The following CACNA1E variants were observed in gnomAD, a reference collection of about 807,000 sequenced individuals.
CACNA1E encodes the protein voltage-dependent R-type calcium channel subunit alpha-1E.
In CACNA1E, 40 loss-of-function variants were observed where a neutral mutation model predicts 259.2. That is an observed-to-expected ratio of 0.15 (90% CI 0.12 to 0.20). The LOEUF is 0.20. CACNA1E is among the 10% of genes least tolerant of loss of function. The probability of loss-of-function intolerance (pLI) is 1.00; values close to 1 mark genes in which losing one functional copy is unlikely to be tolerated. For missense variants in CACNA1E, 1,874 were observed against 3,040.1 expected (o/e 0.62, Z 9.02); for synonymous variants, 1,104 against 1,138.5 (o/e 0.97, Z 0.61).
chr1:181,409,028 A>G (rs1197455237), intron 1 of CACNA1E, among the ~76,000 whole-genome samples: 2 of 152,156 alleles, frequency 1.3e-5, no homozygotes, highest in Non-Finnish European at 2.9e-5. Flanking sequence ...CGTAGGCTGA[A>G]TGACAATAAT....
chr1:181,754,311 G>A (rs4048484), intron 27 of CACNA1E, among the ~76,000 whole-genome samples: 1 of 62,318 alleles, frequency 1.6e-5, no homozygotes, highest in African/African-American at 3.7e-5. Flanking sequence ...TTCCACAAGG[G>A]TGCCTGTCAC....
At chr1:181,612,207 G>A (rs555310519) in intron 6 of CACNA1E, among the ~76,000 whole-genome samples, 14 of 152,310 alleles carry the variant, frequency 9.2e-5, no homozygotes, top group Non-Finnish European at 1.5e-4. Flanking sequence ...AGGGAGCTCC[G>A]TCCAAGGGCT....
intron 3 of CACNA1E, among the ~76,000 whole-genome samples, chr1:181,526,813 A>G (rs1204868594): frequency 2.0e-5 from 3 of 152,186 alleles, no homozygotes; most frequent in African/African-American, 7.2e-5. Context: ...GATTTAGGGT[A>G]TTTCTGAGTA....
At chr1:181,658,907 G>T (rs1409504410) in intron 7 of CACNA1E, among the ~76,000 whole-genome samples, 1 of 152,032 alleles carries the variant, frequency 6.6e-6, no homozygotes, top group Non-Finnish European at 1.5e-5. Flanking sequence ...AGGGGGTTCA[G>T]CAGCAGCCAG....
At chr1:181,449,264 C>T (rs1384674196) in intron 2 of CACNA1E, among the ~76,000 whole-genome samples, 2 of 152,230 alleles carry the variant, frequency 1.3e-5, no homozygotes, top group African/African-American at 4.8e-5. Context: ...TCTCAAGATA[C>T]ATGCCGTTCC....
At chr1:181,455,542 A>G (rs991916654) in intron 2 of CACNA1E, among the ~76,000 whole-genome samples, 2 of 152,150 alleles carry the variant, frequency 1.3e-5, no homozygotes, top group African/African-American at 4.8e-5. Flanking sequence ...CCACAATAAA[A>G]ACTGATCTTT....
chr1:181,604,170 C>CT (rs906774242), intron 6 of CACNA1E, among the ~76,000 whole-genome samples: 8 of 152,186 alleles, frequency 5.3e-5, no homozygotes, highest in African/African-American at 1.9e-4. Flanking sequence ...AGTTCCATTG[C>CT]TTTCTCTGGC....
chr1:181,542,483 A>AG (rs1306650728), intron 3 of CACNA1E, among the ~76,000 whole-genome samples: 1 of 152,266 alleles, frequency 6.6e-6, no homozygotes, highest in African/African-American at 2.4e-5. Context: ...GGGGGAGATC[A>AG]GGTGGAGGTA....
At chr1:181,685,539 G>C (rs1175489762) in intron 7 of CACNA1E, among the ~76,000 whole-genome samples, 1 of 152,062 alleles carries the variant, frequency 6.6e-6, no homozygotes, top group Non-Finnish European at 1.5e-5. Flanking sequence ...AAGGTTCTCA[G>C]AACTTTCTCA....
intron 1 of CACNA1E, among the ~76,000 whole-genome samples, chr1:181,324,813 G>A (rs141599321): frequency 6.6e-6 from 1 of 152,250 alleles, no homozygotes; most frequent in Non-Finnish European, 1.5e-5. Context: ...TACTGAGGGA[G>A]TAGTGTTCTT....
intron 8 of CACNA1E, among the ~76,000 whole-genome samples, chr1:181,713,781 C>G (rs1458295950): frequency 1.3e-5 from 2 of 152,132 alleles, no homozygotes; most frequent in Admixed American, 6.5e-5. Flanking sequence ...CATGCAGGAT[C>G]CCACCAGACT....
Position 181,405,408 on chromosome 1 carries a change from C to T in CACNA1E, c.-14-7725C>T, listed in dbSNP as rs539511823. Among the ~76,000 whole-genome samples, 17 of 152,346 alleles carry T rather than the reference C, an allele frequency of 1.1e-4. 1 individual carries two copies. The highest frequency in any genetic ancestry group is 4.1e-4 in the African/African-American group (17 of 41,580). On this transcript the variant is annotated intron_variant, in intron 1 of 11. Transcript: ENST00000524607. ...TATAGAGGCTTCTGGAAGTTAGCCC[C>T]TAGCCCTTCTCTATCCCAGTCTAGA... is the stretch of plus-strand genomic sequence containing the variant.
At chr1:181,768,590 C>T (rs1659221806) in intron 35 of CACNA1E, among the ~76,000 whole-genome samples, 1 of 152,130 alleles carries the variant, frequency 6.6e-6, no homozygotes, top group East Asian at 1.9e-4. Context: ...TTATTTTTAC[C>T]CTCTAGTTGG....
chr1:181,603,865 G>C (rs1030385397), intron 6 of CACNA1E, among the ~76,000 whole-genome samples: 9 of 152,208 alleles, frequency 5.9e-5, no homozygotes, highest in Non-Finnish European at 1.2e-4. Context: ...GATATGTACT[G>C]GCTCACCGTC....
Position 181,803,546 on chromosome 1 carries a change from T to A in CACNA1E, c.*4712T>A, listed in dbSNP as rs1191705093. The A allele has an allele frequency of 6.6e-6, 1 of 152,158 alleles. No individual in the cohort carries two copies. Among genetic ancestry groups the A allele is most frequent in the Non-Finnish European group, 1.5e-5 (1 of 68,030 alleles). The allele number at this position is 152,158 out of a possible 1,614,324, so 9.4% of individuals were successfully genotyped here. ...ACATCATAGCCAGGTCTACCCCAAATAGAGCAGCAGCTGATGGCTTCTCTG... is the reference window on the plus strand; with the variant it reads ...ACATCATAGCCAGGTCTACCCCAAAAAGAGCAGCAGCTGATGGCTTCTCTG... On this transcript the variant is annotated 3_prime_UTR_variant, in exon 48 of 48. Coordinates refer to ENST00000367573, the MANE Select transcript of CACNA1E (RefSeq NM_001205293.3).
intron 1 of CACNA1E, among the ~76,000 whole-genome samples, chr1:181,499,243 T>G (rs1287187999): frequency 6.6e-6 from 1 of 152,208 alleles, no homozygotes; most frequent in Non-Finnish European, 1.5e-5. Context: ...AAAGGCAAAC[T>G]ATCCAGACTC....
chr1:181,329,069 T>C (rs184523097), intron 1 of CACNA1E, among the ~76,000 whole-genome samples: 96 of 149,372 alleles, frequency 6.4e-4, no homozygotes, highest in African/African-American at 2.2e-3. Context: ...CTGTTTTTCC[T>C]CCAGCTTTCT....
intron 2 of CACNA1E, among the ~76,000 whole-genome samples, chr1:181,444,193 A>C (rs372357830): frequency 6.6e-6 from 1 of 152,322 alleles, no homozygotes; most frequent in East Asian, 1.9e-4. Flanking sequence ...AAAGCCCTGC[A>C]GTTAGTTGAG....
intron 7 of CACNA1E, among the ~76,000 whole-genome samples, chr1:181,685,686 G>A (rs1222008257): frequency 1.3e-5 from 2 of 152,170 alleles, no homozygotes; most frequent in Admixed American, 6.5e-5. Context: ...TAAGTGCTCT[G>A]TTAATTTTGG....
Sources: allele counts gnomAD v4.1 joint callset (sites outside exome capture counted in the v4.1 genomes callset), GRCh38; gene constraint gnomAD v4.1.1; transcripts MANE v1.5; gene names NCBI Gene and HGNC (gene_info 2026-07-23, HGNC 2026-07-21).